EML3: variants seen among roughly 807,000 people sequenced by gnomAD.
The protein encoded by EML3 is echinoderm microtubule-associated protein-like 3.
Under a neutral mutation model 106.7 loss-of-function variants are expected in EML3, and 53 were observed. The observed-to-expected ratio is 0.50, with a 90% CI of 0.40 to 0.62. EML3 has a LOEUF of 0.62. Among genes scored for constraint, EML3 ranks in the 20% least tolerant of loss-of-function variants. The pLI is 0.00. For synonymous variants in EML3, 499 were observed against 489.6 expected (o/e 1.02, Z -0.25); for missense variants, 994 against 1,209.1 (o/e 0.82, Z 2.64).
chr11:62,609,142 A>C lies in EML3; in HGVS notation c.759-10T>G. ...ACCCCTGTACCCATAACTGGGGTGG[A>C]GATCACGGTCAAGGAAAGGGTTAGA... On this transcript the variant is annotated splice_polypyrimidine_tract_variant and intron_variant, in intron 6 of 21. Coordinates refer to ENST00000394773, the MANE Select transcript of EML3 (RefSeq NM_153265.3). 6.2e-7 allele frequency: 1 copy of C among 1,613,668 alleles called. No homozygotes were observed. Among genetic ancestry groups the C allele is most frequent in the Non-Finnish European group, 8.5e-7 (1 of 1,179,934 alleles).
Position 62,602,230 on chromosome 11 carries a change from CT to C in EML3, c.*244del. ...AAAGCACCGGGAGGCGACTTTGGTT[CT>C]GGTTTATTGCCCCTCAGCAGGCAGC... On this transcript the variant is annotated 3_prime_UTR_variant, in exon 22 of 22. Transcript: ENST00000394773. The C allele has an allele frequency of 1.3e-6, 2 of 1,527,142 alleles. No individual in the cohort carries two copies. The highest frequency in any genetic ancestry group is 1.8e-6 in the Non-Finnish European group (2 of 1,134,488). 94.6% of individuals were successfully genotyped at this position (1,527,142 alleles called of 1,614,324 possible). A position where few individuals can be genotyped will look rare whatever the true frequency, so the allele number is the denominator to read the frequency against.
chr11:62,610,105 G>A (rs941995355), intron 4 of EML3, among the ~76,000 whole-genome samples: 7 of 152,186 alleles, frequency 4.6e-5, no homozygotes, highest in African/African-American at 9.7e-5. Context: ...TTACACGTGC[G>A]CGCCACTAGG....
At chr11:62,603,013 G>A (rs1942317440) in intron 20 of EML3, 124 bp from the exon 21 acceptor site, 1 of 1,478,488 alleles carries the variant, frequency 6.8e-7, no homozygotes, top group African/African-American at 1.4e-5. Context: ...AAGCCTTCCC[G>A]GTCCCGAGGG....
In EML3 at chr11:62,611,608, G is replaced by T; in HGVS notation, c.23-12C>A. On this transcript the variant is annotated splice_polypyrimidine_tract_variant and intron_variant, in intron 1 of 21. Coordinates refer to ENST00000394773, the MANE Select transcript of EML3 (RefSeq NM_153265.3). ...AGCAGGGCCGTCACCTGGGAAAAGG[G>T]CAAGAGGTACTCAGAATGTACCCAT... The T allele has an allele frequency of 8.7e-6, 14 of 1,610,112 alleles. No homozygotes were observed. The highest frequency in any genetic ancestry group is 1.2e-5 in the Non-Finnish European group (14 of 1,178,622).
In EML3 at chr11:62,602,898, G is replaced by A; in HGVS notation, c.2357-9C>T. 1.9e-6 allele frequency: 3 copies of A among 1,546,338 alleles called. No homozygotes were observed. Among genetic ancestry groups the A allele is most frequent in the African/African-American group, 1.4e-5 (1 of 73,880 alleles). On this transcript the variant is annotated splice_polypyrimidine_tract_variant and intron_variant, in intron 20 of 21. Coordinates refer to ENST00000394773, the MANE Select transcript of EML3 (RefSeq NM_153265.3). The stretch of plus-strand genomic sequence containing the variant: ...GCCGTCCGGCCAGACGCCTAGCACA[G>A]CGGCCGGCCTCAGCCCGACCTCCTA...
rs954315736 is a variant in EML3, at chr11:62,608,987, G to A, written c.904C>T (p.Arg302Trp). 21 of 1,613,780 alleles carry A rather than the reference G, an allele frequency of 1.3e-5. No individual in the cohort carries two copies. The highest frequency in any genetic ancestry group is 6.7e-5 in the East Asian group (3 of 44,890). ...CATCGAACGCAGTCTGTGTGCCCCC[G>A]GTAATGTCTCTGGCCGCCACCTCCA... ...GPGGGGQRHY[R>W]GHTDCVRCLA... Residue 302 changes from arginine (R) to tryptophan (W), a missense_variant, in exon 7 of 22, where the codon CGG becomes TGG. Arg to Trp is a moderately radical substitution (Grantham distance 101). Transcript: ENST00000394773.
At chr11:62,602,948 C>A in intron 20 of EML3, 59 bp from the exon 21 acceptor site, 1 of 1,485,002 alleles carries the variant, frequency 6.7e-7, no homozygotes, top group Non-Finnish European at 8.9e-7. Flanking sequence ...CGGCCCAGAG[C>A]TACACCATTT....
chr11:62,605,824 C>G lies in EML3; in HGVS notation c.1782+31G>C, dbSNP rs1942481383. ...CTGCCCCTCTCTCACACCCCTTTGTCCCTTCCTCCCCTGAGCCCTTAACCC... is the reference window on the plus strand; with the variant it reads ...CTGCCCCTCTCTCACACCCCTTTGTGCCTTCCTCCCCTGAGCCCTTAACCC... On this transcript the variant is annotated intron_variant, in intron 14 of 21. Transcript: ENST00000394773. The surrounding 1 kb of genome is among the most constrained non-coding windows in gnomAD (Gnocchi z 5.2). 6.2e-7 allele frequency: 1 copy of G among 1,611,892 alleles called. No homozygotes were observed. The highest frequency in any genetic ancestry group is 1.3e-5 in the African/African-American group (1 of 74,910).
In EML3 at chr11:62,607,056, G is replaced by C. The variant is rs143273389; in HGVS notation, c.1406C>G (p.Pro469Arg). ...PKFIPCFVFL[P>R]DGDILTGDSE... is the part of the protein sequence containing the mutation. ...GTCTCCAGTGAGAATGTCTCCATCC[G>C]GAAGGAACACAAAGCAAGGGATAAA... Residue 469 changes from proline to arginine, a missense_variant, in exon 12 of 22, where the codon CCG (proline) becomes CGG (arginine). By Grantham distance (103) the Pro-to-Arg change is moderately radical. Around this residue, in one of 3 missense-constraint regions of EML3, gnomAD observed 713 missense variants for 920.5 expected, o/e 0.77. Coordinates refer to ENST00000394773, the MANE Select transcript of EML3 (RefSeq NM_153265.3). The C allele has an allele frequency of 7.4e-6, 12 of 1,613,978 alleles. No individual in the cohort carries two copies. Among genetic ancestry groups the C allele is most frequent in the Middle Eastern group, 1.6e-4 (1 of 6,082 alleles).
chr11:62,603,852 T>C (rs369199286), intron 18 of EML3, 36 bp from the exon 19 acceptor site: 2 of 1,612,582 alleles, frequency 1.2e-6, no homozygotes, highest in African/African-American at 1.3e-5. Flanking sequence ...AAGTATCCCA[T>C]CCATTTCCCA....
intron 19 of EML3, 58 bp downstream of exon 19, chr11:62,603,671 C>A (rs1942364395): frequency 4.1e-6 from 6 of 1,459,326 alleles, no homozygotes; most frequent in South Asian, 2.3e-5. Context: ...AACAGCCCCC[C>A]CTACACAAAA....
At position 62,611,185 on chromosome 11, in the gene EML3, C is replaced by G; in HGVS notation, c.354G>C (p.Gly118=). Residue 118 remains glycine, a synonymous_variant, in exon 3 of 22, where the codon GGG becomes GGC. Coordinates refer to ENST00000394773, the MANE Select transcript of EML3 (RefSeq NM_153265.3). Reference sequence around the variant, plus strand: ...TGCTGCCCCCTCCTTCAGATTGGGTCCCGCTAGGCTCTTCGCTGGCCCCCT... The same window carrying G: ...TGCTGCCCCCTCCTTCAGATTGGGTGCCGCTAGGCTCTTCGCTGGCCCCCT... The part of the protein sequence containing the change: ...APQGASEEPS[G]TQSEGGGSSS... The G allele has an allele frequency of 6.2e-7, 1 of 1,607,620 alleles. No homozygotes were observed. Among genetic ancestry groups the G allele is most frequent in the Non-Finnish European group, 8.5e-7 (1 of 1,179,214 alleles).
Position 62,609,432 on chromosome 11 carries a change from A to G in EML3, c.680T>C (p.Met227Thr), listed in dbSNP as rs771602339. The G allele has an allele frequency of 5.6e-6, 9 of 1,599,316 alleles. No homozygotes were observed. Among genetic ancestry groups the G allele is most frequent in the East Asian group, 2.2e-5 (1 of 44,686 alleles). Residue 227 changes from methionine to threonine, a missense_variant, in exon 6 of 22, where the codon ATG becomes ACG. By Grantham distance (81) the Met-to-Thr change is moderately conservative. Transcript: ENST00000394773. ...KMFLRGRPITMYIPSGIRSLE... is the reference protein window; with the variant it reads ...KMFLRGRPITTYIPSGIRSLE... ...GCTGCGGATGCCAGACGGGATGTAC[A>G]TGGTAATGGGGCGCCCTCGAAGGAA...
Position 62,602,586 on chromosome 11 carries a change from C to T in EML3, c.2580G>A (p.Lys860=), listed in dbSNP as rs1247373900. ...DDSHLVSLGG[K]DASIFQWRVL... ...CTCGCCACTGGAAGATGCTGGCGTC[C>T]TTGCCGCCCAGCGAGACGAGGTGCG... Residue 860 remains lysine, a synonymous_variant, in exon 22 of 22, where the codon AAG becomes AAA. Transcript: ENST00000394773. 7 of 1,543,676 alleles carry T rather than the reference C, an allele frequency of 4.5e-6. No homozygotes were observed. The highest frequency in any genetic ancestry group is 6.1e-6 in the Non-Finnish European group (7 of 1,146,124).
chr11:62,609,630 C>A lies in EML3; in HGVS notation c.633G>T (p.Leu211Phe). 6.2e-7 allele frequency: 1 copy of A among 1,607,762 alleles called. No homozygotes were observed. Among genetic ancestry groups the A allele is most frequent in the Non-Finnish European group, 8.5e-7 (1 of 1,177,124 alleles). ...GPGSRRSNYN[L>F]EGISVKMFLR... is the part of the protein sequence containing the mutation. ...TCCTCTCTGTCCCTCTTTACATACC[C>A]AAATTGTAATTGCTCCTCCGAGATC... Residue 211 changes from leucine (L) to phenylalanine (F), a missense_variant and splice_region_variant, in exon 5 of 22, where the codon TTG becomes TTT. Leu to Phe is a conservative substitution (Grantham distance 22). Around this residue, in one of 3 missense-constraint regions of EML3, gnomAD observed 269 missense variants for 265.1 expected, o/e 1.01. Transcript: ENST00000394773.
chr11:62,604,149 C>T lies in EML3; in HGVS notation c.2035G>A (p.Gly679Ser). 6.2e-7 allele frequency: 1 copy of T among 1,613,942 alleles called. No individual in the cohort carries two copies. Among genetic ancestry groups the T allele is most frequent in the African/African-American group, 1.3e-5 (1 of 74,978 alleles). Residue 679 changes from glycine to serine, a missense_variant, in exon 17 of 22, where the codon GGC becomes AGC. By Grantham distance (56) the Gly-to-Ser change is moderately conservative. Transcript: ENST00000394773. ...TREIVSDVIDGNEQLSVVRYS... is the reference protein window; with the variant it reads ...TREIVSDVIDSNEQLSVVRYS... Reference sequence around the variant, plus strand: ...CGGACCACTGAGAGCTGCTCATTGCCATCAATGACATCAGACACGATCTCT... The same window carrying T: ...CGGACCACTGAGAGCTGCTCATTGCTATCAATGACATCAGACACGATCTCT...
chr11:62,611,463 G>A lies in EML3; in HGVS notation c.156C>T (p.Ser52=). Residue 52 remains serine, a synonymous_variant, in exon 2 of 22, where the codon TCC becomes TCT. Coordinates refer to ENST00000394773, the MANE Select transcript of EML3 (RefSeq NM_153265.3). ...GAGCTGGTGTGCCAGAGCCCTGCAGGGAGGAAGGGGGCACCTGCAGCCGCA... is the reference window on the plus strand; with the variant it reads ...GAGCTGGTGTGCCAGAGCCCTGCAGAGAGGAAGGGGGCACCTGCAGCCGCA... ...RLLRLQVPPS[S]LQGSGTPAPP... is the part of the protein sequence containing the mutation. 1 of 1,613,862 alleles carries A rather than the reference G, an allele frequency of 6.2e-7. No individual in the cohort carries two copies. The highest frequency in any genetic ancestry group is 1.3e-5 in the African/African-American group (1 of 75,064).
At position 62,604,601 on chromosome 11, in the gene EML3, C is replaced by T. The variant is rs1297571029; in HGVS notation, c.1983-400G>A. 12 of 245,550 alleles carry T rather than the reference C, an allele frequency of 4.9e-5. No individual in the cohort carries two copies. In the East Asian group the frequency reaches 1.0e-3, roughly 21 times the overall value. 15.2% of individuals were successfully genotyped at this position (245,550 alleles called of 1,614,324 possible). On this transcript the variant is annotated intron_variant, in intron 16 of 21. Transcript: ENST00000394773. ...CCATGTTGGCCAGGCTGGTCTTGAA[C>T]TCCTGACCTCAAGTGATCCACCCGC...
chr11:62,605,835 CT>C lies in EML3; in HGVS notation c.1782+19del. On this transcript the variant is annotated intron_variant, in intron 14 of 21. Transcript: ENST00000394773. This position sits in a 1 kb window ranked among gnomAD's most constrained non-coding sequence, Gnocchi z 5.2. ...TCACACCCCTTTGTCCCTTCCTCCCCTGAGCCCTTAACCCCCAACCTGGATT... is the reference window on the plus strand; with the variant it reads ...TCACACCCCTTTGTCCCTTCCTCCCCGAGCCCTTAACCCCCAACCTGGATT... 1.2e-6 allele frequency: 2 copies of C among 1,613,440 alleles called. No homozygotes were observed. Among genetic ancestry groups the C allele is most frequent in the South Asian group, 2.2e-5 (2 of 90,966 alleles).
Sources: allele counts gnomAD v4.1 joint callset (sites outside exome capture counted in the v4.1 genomes callset), GRCh38; gene constraint gnomAD v4.1.1; regional missense constraint gnomAD v4.1.1; non-coding constraint Gnocchi (gnomAD v3.1); transcripts MANE v1.5; gene names NCBI Gene and HGNC (gene_info 2026-07-23, HGNC 2026-07-21).